PSMD14: variants seen among roughly 807,000 people sequenced by gnomAD.
The protein encoded by PSMD14 is proteasome 26S subunit, non-ATPase 14.
In PSMD14, 7 loss-of-function variants were observed where a neutral mutation model predicts 41.2. The ratio of observed to expected loss-of-function variants is 0.17; its 90% CI spans 0.10 to 0.32. PSMD14 has a LOEUF of 0.32. Among genes scored for constraint, PSMD14 ranks in the 10% least tolerant of loss-of-function variants. The pLI is 1.00. For missense variants in PSMD14, 139 were observed against 375.6 expected, an observed-to-expected ratio of 0.37 and a Z score of 5.21; for synonymous variants, 114 against 122.3, an observed-to-expected ratio of 0.93 and a Z score of 0.45.
intron 7 of PSMD14, among the ~76,000 whole-genome samples, chr2:161,375,918 A>G (rs1683496746): frequency 6.6e-6 from 1 of 151,774 alleles, no homozygotes; most frequent in Admixed American, 6.6e-5. Flanking sequence ...CTGTAAGAGC[A>G]TACCCTTTAT....
chr2:161,321,568 C>G (rs1477746306), intron 3 of PSMD14, among the ~76,000 whole-genome samples: 1 of 152,158 alleles, frequency 6.6e-6, no homozygotes, highest in Non-Finnish European at 1.5e-5. Flanking sequence ...CAGAACTACC[C>G]TTACTTCAGA....
chr2:161,335,928 G>A (rs1682863104), intron 3 of PSMD14, among the ~76,000 whole-genome samples: 1 of 152,182 alleles, frequency 6.6e-6, no homozygotes, highest in African/African-American at 2.4e-5. Context: ...ATTATTAGAA[G>A]TAATATATGT....
At chr2:161,329,482 C>T (rs1448486906) in intron 3 of PSMD14, among the ~76,000 whole-genome samples, 1 of 152,010 alleles carries the variant, frequency 6.6e-6, no homozygotes, top group East Asian at 1.9e-4. Context: ...TATTTATATG[C>T]TCATGAATAT....
At chr2:161,380,009 T>G (rs186203233) in intron 7 of PSMD14, among the ~76,000 whole-genome samples, 2 of 152,168 alleles carry the variant, frequency 1.3e-5, no homozygotes, top group Middle Eastern at 3.4e-3. Context: ...GAGTCAGTCA[T>G]GCGCTCCACA....
At chr2:161,344,360 T>G (rs1298964908) in intron 3 of PSMD14, among the ~76,000 whole-genome samples, 1 of 152,188 alleles carries the variant, frequency 6.6e-6, no homozygotes, top group Non-Finnish European at 1.5e-5. Flanking sequence ...GGTTCTGTGT[T>G]GTAGACTGCT....
chr2:161,308,842 G>A (rs1387746169), intron 1 of PSMD14: 1 of 152,514 alleles, frequency 6.6e-6, no homozygotes, highest in Non-Finnish European at 1.5e-5. Context: ...TTCACATCAT[G>A]GGAACCTCTT....
At chr2:161,389,893 T>TG (rs1346109675) in intron 8 of PSMD14, among the ~76,000 whole-genome samples, 48 of 100,958 alleles carry the variant, frequency 4.8e-4, no homozygotes, top group Non-Finnish European at 8.4e-4. Context: ...TTTGTTGTTT[T>TG]TTTTTTTTTT....
At chr2:161,327,334 A>C (rs1682714156) in intron 3 of PSMD14, among the ~76,000 whole-genome samples, 1 of 152,186 alleles carries the variant, frequency 6.6e-6, no homozygotes, top group Non-Finnish European at 1.5e-5. Flanking sequence ...TAATGTGCCT[A>C]ATGCCACTGA....
intron 7 of PSMD14, among the ~76,000 whole-genome samples, chr2:161,376,656 CTGA>C (rs533789237): frequency 4.1e-4 from 63 of 151,990 alleles, no homozygotes; most frequent in Admixed American, 1.7e-3. Context: ...CTTGGGCATG[CTGA>C]TGAAAAGGAA....
chr2:161,328,539 C>T (rs1023083564), intron 3 of PSMD14, among the ~76,000 whole-genome samples: 1 of 152,022 alleles, frequency 6.6e-6, no homozygotes, highest in African/African-American at 2.4e-5. Flanking sequence ...CATATCTGCA[C>T]CATTCAATAC....
chr2:161,343,676 A>C (rs937217163), intron 3 of PSMD14, among the ~76,000 whole-genome samples: 5 of 152,134 alleles, frequency 3.3e-5, no homozygotes, highest in Non-Finnish European at 2.9e-5. Flanking sequence ...AAAAATACAA[A>C]AGCTAGCCAT....
chr2:161,315,207 A>G (rs1205144307), intron 1 of PSMD14, among the ~76,000 whole-genome samples: 1 of 152,224 alleles, frequency 6.6e-6, no homozygotes, highest in African/African-American at 2.4e-5. Context: ...GCTGTTGTCT[A>G]GTGGAGCTAG....
At chr2:161,375,800 AGT>A (rs1335383186) in intron 7 of PSMD14, among the ~76,000 whole-genome samples, 1 of 151,816 alleles carries the variant, frequency 6.6e-6, no homozygotes, top group Non-Finnish European at 1.5e-5. Context: ...GGGAGGTCAA[AGT>A]GAGTGGATCG....
At chr2:161,314,836 T>C (rs928962287) in intron 1 of PSMD14, among the ~76,000 whole-genome samples, 9 of 152,250 alleles carry the variant, frequency 5.9e-5, no homozygotes, top group Admixed American at 2.0e-4. Context: ...GTTTCCACCT[T>C]TTGGCTATTG....
intron 3 of PSMD14, among the ~76,000 whole-genome samples, chr2:161,342,095 A>G (rs556560281): frequency 6.6e-6 from 1 of 152,224 alleles, no homozygotes; most frequent in East Asian, 1.9e-4. Flanking sequence ...GTGGATATCC[A>G]GTTACTACAG....
chr2:161,401,372 C>G (rs1683875760), intron 10 of PSMD14, among the ~76,000 whole-genome samples: 1 of 152,196 alleles, frequency 6.6e-6, no homozygotes, highest in Non-Finnish European at 1.5e-5. Context: ...GCACCCATAA[C>G]CCTCATCCCC....
chr2:161,401,459 A>T (rs1374343281), intron 10 of PSMD14, among the ~76,000 whole-genome samples: 1 of 152,234 alleles, frequency 6.6e-6, no homozygotes, highest in Non-Finnish European at 1.5e-5. Flanking sequence ...AAGAAAGCTT[A>T]TGCAGTGTGT....
intron 3 of PSMD14, among the ~76,000 whole-genome samples, chr2:161,355,301 T>C (rs901892139): frequency 6.6e-6 from 1 of 152,172 alleles, no homozygotes; most frequent in Non-Finnish European, 1.5e-5. Context: ...GTTAGGTATG[T>C]TTTCTAATGT....
In PSMD14 at chr2:161,315,333, T is replaced by G. The variant is rs77176359; in HGVS notation, c.-137-1104T>G. The stretch of plus-strand genomic sequence containing the variant: ...TAAATCCTGGCTAATTTTATTGTCA[T>G]CATTAGAGACTAGAGTGCTATAATC... On this transcript the variant is annotated intron_variant, in intron 1 of 11. Coordinates refer to ENST00000409682, the MANE Select transcript of PSMD14 (RefSeq NM_005805.6). Among the ~76,000 whole-genome samples, 1,304 of 152,350 alleles carry G rather than the reference T, an allele frequency of 8.6e-3. 87 individuals carry two copies. The East Asian group carries it at 0.14, about 17-fold the overall frequency.
Sources: gnomAD v4.1 joint callset for allele counts (sites outside exome capture counted in the v4.1 genomes callset) on GRCh38, gnomAD v4.1.1 for gene constraint, MANE v1.5 for transcripts, NCBI Gene and HGNC (gene_info 2026-07-23, HGNC 2026-07-21) for gene names.